The following TF variants were observed in gnomAD, a reference collection of about 807,000 sequenced individuals.
TF encodes the protein transferrin, also known as serotransferrin.
A neutral mutation model predicts 82.4 loss-of-function variants in TF; 55 were observed. The observed-to-expected ratio is 0.67, with a 90% CI of 0.54 to 0.84. The LOEUF (loss-of-function observed/expected upper bound fraction) is 0.84. Among genes scored for constraint, TF ranks in the 40% least tolerant of loss-of-function variants. TF has a pLI of 0.00. For synonymous variants in TF, 332 were observed against 332.6 expected (o/e 1.00, Z 0.02); for missense variants, 737 against 868.4 (o/e 0.85, Z 1.90).
intron 16 of TF, chr3:133,777,936 T>G (rs1406653760): frequency 6.4e-6 from 1 of 156,946 alleles, no homozygotes; most frequent in African/African-American, 2.4e-5. Flanking sequence ...TGTAGGGCAG[T>G]TAGTCTTTCC....
At position 133,775,419 on chromosome 3, in the gene TF, C is replaced by T. The variant is rs1029076498; in HGVS notation, c.1688-14C>T. 2.5e-6 allele frequency: 4 copies of T among 1,614,180 alleles called. No individual in the cohort carries two copies. The highest frequency in any genetic ancestry group is 3.4e-6 in the Non-Finnish European group (4 of 1,180,000). On this transcript the variant is annotated splice_polypyrimidine_tract_variant and intron_variant, in intron 14 of 16. Coordinates refer to ENST00000402696, the MANE Select transcript of TF (RefSeq NM_001063.4). ...CCAAAGCCATCAGCTGAACCACCTT[C>T]TTCCTGTCCCTAGGAAAAAACCCTG...
Position 133,787,668 on chromosome 3 carries a change from G to A in TF, c.*9048G>A, listed in dbSNP as rs1264611315. The A allele has an allele frequency of 6.6e-6, 1 of 152,050 alleles. No homozygotes were observed. Among genetic ancestry groups the A allele is most frequent in the African/African-American group, 2.4e-5 (1 of 41,390 alleles). The allele number at this position is 152,050 out of a possible 1,614,324, so 9.4% of individuals were successfully genotyped here. A position where few individuals can be genotyped will look rare whatever the true frequency, so the allele number is the denominator to read the frequency against. Reference sequence around the variant, plus strand: ...TTCATTCAGTTGAGGAAGGTGAGAGGGAAGAAATTACAAAAGATGTTTTGC... The same window carrying A: ...TTCATTCAGTTGAGGAAGGTGAGAGAGAAGAAATTACAAAAGATGTTTTGC... On this transcript the variant is annotated 3_prime_UTR_variant, in exon 17 of 17. Transcript: ENST00000402696.
rs981368398 is a variant in TF at position 133,783,780 on chromosome 3, G to A, written c.*5160G>A. The A allele has an allele frequency of 6.6e-6, 1 of 152,246 alleles. No homozygotes were observed. Among genetic ancestry groups the A allele is most frequent in the Non-Finnish European group, 1.5e-5 (1 of 68,046 alleles). The allele number at this position is 152,246 out of a possible 1,614,324, so 9.4% of individuals were successfully genotyped here. A position where few individuals can be genotyped will look rare whatever the true frequency, so the allele number is the denominator to read the frequency against. On this transcript the variant is annotated 3_prime_UTR_variant, in exon 17 of 17. Coordinates refer to ENST00000402696, the MANE Select transcript of TF (RefSeq NM_001063.4). ...CGGTAGAACCCGGAGCCCTGGCCGC[G>A]GCTGCCCCACCGGGCCCATTTCTTG...
chr3:133,723,675 A>ATTATT, the TF span, among the ~76,000 whole-genome samples: 1 of 84,048 alleles, frequency 1.2e-5, no homozygotes, highest in African/African-American at 5.7e-5. Context: ...TTATTATTAT[A>ATTATT]CTTTAAGTTT....
rs2107958068 is a variant in TF at position 133,794,822 on chromosome 3, T to C, written c.*16202T>C. The C allele has an allele frequency of 6.6e-6, 1 of 152,374 alleles. No individual in the cohort carries two copies. The highest frequency in any genetic ancestry group is 2.1e-4 in the South Asian group (1 of 4,832). 9.4% of individuals were successfully genotyped at this position (152,374 alleles called of 1,614,324 possible). On this transcript the variant is annotated 3_prime_UTR_variant, in exon 17 of 17. Transcript: ENST00000402696. ...CAAGACTTCTCTATTATCATGAGAC[T>C]CTTATCTTTGAATATTTTTTCCTTG...
At chr3:133,712,150 T>A in the TF span, among the ~76,000 whole-genome samples, 3 of 152,208 alleles carry the variant, frequency 2.0e-5, no homozygotes, top group Non-Finnish European at 2.9e-5. Context: ...TTACTTGAGT[T>A]CTGACTATCG....
chr3:133,725,354 C>T, the TF span, among the ~76,000 whole-genome samples: 1 of 152,034 alleles, frequency 6.6e-6, no homozygotes, highest in African/African-American at 2.4e-5. Flanking sequence ...TGTAGTTCTC[C>T]TTGGGGAGGT....
At chr3:133,740,986 ATTTTTTTT>A in the TF span, among the ~76,000 whole-genome samples, 1 of 47,480 alleles carries the variant, frequency 2.1e-5, no homozygotes, top group East Asian at 7.0e-4. Flanking sequence ...ATCCAGCTCT[ATTTTTTTT>A]TTTTTTTTTT....
chr3:133,764,204 G>T lies in TF; in HGVS notation c.1226G>T (p.Ser409Ile). The change falls in exon 10 of 17, where the codon AGC becomes ATC. Residue 409 changes from serine (S) to isoleucine (I), a missense_variant. Physicochemically the swap from Ser to Ile is moderately radical, Grantham distance 142 (BLOSUM62 -2). Coordinates refer to ENST00000402696, the MANE Select transcript of TF (RefSeq NM_001063.4). ...KIMNGEADAMSLDGGFVYIAG... is the reference protein window; with the variant it reads ...KIMNGEADAMILDGGFVYIAG... ...CAGAATGGAGAAGCTGATGCCATGA[G>T]CTTGGATGGAGGGTTTGTCTACATA... The T allele has an allele frequency of 6.2e-7, 1 of 1,613,960 alleles. No individual in the cohort carries two copies. Among genetic ancestry groups the T allele is most frequent in the Non-Finnish European group, 8.5e-7 (1 of 1,179,856 alleles).
the TF span, among the ~76,000 whole-genome samples, chr3:133,667,230 C>T: frequency 2.0e-5 from 3 of 151,618 alleles, no homozygotes; most frequent in Admixed American, 6.6e-5. Flanking sequence ...GGAGGACACA[C>T]ACCTGTAGTC....
chr3:133,741,600 G>A (rs768426051), upstream of TF, among the ~76,000 whole-genome samples: 5 of 152,072 alleles, frequency 3.3e-5, no homozygotes, highest in Admixed American at 6.5e-5. Flanking sequence ...AAGGTTTGTC[G>A]AATAAATTTG....
At chr3:133,714,004 T>C in the TF span, among the ~76,000 whole-genome samples, 1 of 152,188 alleles carries the variant, frequency 6.6e-6, no homozygotes, top group Non-Finnish European at 1.5e-5. Context: ...AGGGAGGTGA[T>C]GCATCAGCAA....
the TF span, among the ~76,000 whole-genome samples, chr3:133,684,197 A>G: frequency 6.6e-6 from 1 of 152,240 alleles, no homozygotes; most frequent in Non-Finnish European, 1.5e-5. Flanking sequence ...GGACCCATTT[A>G]AAGCAGTGTG....
At chr3:133,746,383 C>A, upstream of TF, 2 of 1,555,996 alleles carry the variant, frequency 1.3e-6, no homozygotes, top group Non-Finnish European at 1.7e-6. Flanking sequence ...CGCGGGGCGC[C>A]GGAGGCTGCA....
At chr3:133,720,514 T>C in the TF span, among the ~76,000 whole-genome samples, 5 of 152,304 alleles carry the variant, frequency 3.3e-5, no homozygotes, top group Admixed American at 3.3e-4. Flanking sequence ...CTTCTTGAAA[T>C]GTTTGCATCT....
the TF span, among the ~76,000 whole-genome samples, chr3:133,707,209 C>CACACACACACAT: frequency 1.3e-5 from 2 of 151,564 alleles, no homozygotes; most frequent in Non-Finnish European, 2.9e-5. Flanking sequence ...CACACACACA[C>CACACACACACAT]ACACACACAC....
chr3:133,755,343 C>T lies in TF; in HGVS notation c.503-20C>T. ...CCAGCCTCACTCATGCTCTGTTGTCCATTTCTCTGTGCTGAGCAGCAGTGG... is the reference window on the plus strand; with the variant it reads ...CCAGCCTCACTCATGCTCTGTTGTCTATTTCTCTGTGCTGAGCAGCAGTGG... On this transcript the variant is annotated intron_variant, in intron 4 of 16. Coordinates refer to ENST00000402696, the MANE Select transcript of TF (RefSeq NM_001063.4). 6.2e-7 allele frequency: 1 copy of T among 1,614,192 alleles called. No individual in the cohort carries two copies. Among genetic ancestry groups the T allele is most frequent in the South Asian group, 1.1e-5 (1 of 91,080 alleles).
intron 14 of TF, 100 bp downstream of exon 14, chr3:133,770,672 GT>G (rs756900200): frequency 9.1e-6 from 11 of 1,214,976 alleles, no homozygotes; most frequent in South Asian, 7.2e-5. Flanking sequence ...TATGTACACT[GT>G]CAGACTTCAA....
Position 133,791,350 on chromosome 3 carries a change from A to C in TF, c.*12730A>C, listed in dbSNP as rs750029613. 6.6e-6 allele frequency: 1 copy of C among 152,180 alleles called. No homozygotes were observed. The highest frequency in any genetic ancestry group is 1.5e-5 in the Non-Finnish European group (1 of 68,036). The allele number at this position is 152,180 out of a possible 1,614,324, so 9.4% of individuals were successfully genotyped here. On this transcript the variant is annotated 3_prime_UTR_variant, in exon 17 of 17. Transcript: ENST00000402696. The stretch of plus-strand genomic sequence containing the variant: ...AACTATTTGTGAATATTCTTAATTC[A>C]TGGCAATGTGTTTGTTTGCATATAG...
Sources: gnomAD v4.1 joint callset for allele counts (sites outside exome capture counted in the v4.1 genomes callset) on GRCh38, gnomAD v4.1.1 for gene constraint, MANE v1.5 for transcripts, NCBI Gene and HGNC (gene_info 2026-07-23, HGNC 2026-07-21) for gene names.